The following SORCS2 variants were observed in gnomAD, a reference collection of about 807,000 sequenced individuals.
The protein encoded by SORCS2 is sortilin related VPS10 domain containing receptor 2.
In SORCS2, 100 loss-of-function variants were observed where a neutral mutation model predicts 141.6. The observed-to-expected ratio is 0.71, with a 90% CI of 0.60 to 0.83. The LOEUF (loss-of-function observed/expected upper bound fraction) is 0.83. SORCS2 is among the 40% of genes least tolerant of loss of function. SORCS2 has a pLI of 0.00. For synonymous variants in SORCS2, 789 were observed against 676.9 expected (o/e 1.17, Z -2.57); for missense variants, 1,646 against 1,560.2 (o/e 1.05, Z -0.93).
At chr4:7,616,505 T>A (rs1334641432) in intron 3 of SORCS2, among the ~76,000 whole-genome samples, 2 of 151,984 alleles carry the variant, frequency 1.3e-5, no homozygotes, top group African/African-American at 4.8e-5. Flanking sequence ...CCAAGTGGGG[T>A]GGTCATGTGT....
rs1426957657 is a variant in SORCS2, at chr4:7,286,036, C to T, written c.480+92910C>T. On this transcript the variant is annotated intron_variant, in intron 1 of 26. Coordinates refer to ENST00000507866, the MANE Select transcript of SORCS2 (RefSeq NM_020777.3). The surrounding 1 kb of genome is among the most constrained non-coding windows in gnomAD (Gnocchi z 4.1). ...GTGCCCTGCCGAGAGCCAGCTGCCC[C>T]GCCGGGGGCTCCCTGCCTGCCTCCC... Among the ~76,000 whole-genome samples the T allele has an allele frequency of 6.6e-6, 1 of 152,190 alleles. No individual in the cohort carries two copies. The highest frequency in any genetic ancestry group is 1.5e-5 in the Non-Finnish European group (1 of 68,034).
intron 7 of SORCS2, among the ~76,000 whole-genome samples, chr4:7,666,740 C>G (rs956582817): frequency 6.6e-6 from 1 of 152,156 alleles, no homozygotes; most frequent in Non-Finnish European, 1.5e-5. Context: ...GAAAAGCACT[C>G]GAGATGGTGC....
intron 1 of SORCS2, among the ~76,000 whole-genome samples, chr4:7,228,617 A>G (rs1371436984): frequency 6.6e-6 from 1 of 152,104 alleles, no homozygotes; most frequent in Admixed American, 6.5e-5. Flanking sequence ...TGAGGAGTGG[A>G]GAAGGGGCCA....
intron 2 of SORCS2, among the ~76,000 whole-genome samples, chr4:7,457,957 A>G (rs1298070954): frequency 1.3e-5 from 2 of 152,120 alleles, no homozygotes; most frequent in Non-Finnish European, 2.9e-5. Context: ...AGGGACGTCC[A>G]CACTGTTAGC....
intron 14 of SORCS2, among the ~76,000 whole-genome samples, chr4:7,710,015 T>G (rs1725720587): frequency 6.6e-6 from 1 of 152,132 alleles, no homozygotes; most frequent in Non-Finnish European, 1.5e-5. Flanking sequence ...AGATGGCAGC[T>G]CTTTCTCATG....
intron 2 of SORCS2, among the ~76,000 whole-genome samples, chr4:7,396,683 C>A (rs1174995802): frequency 6.6e-6 from 1 of 152,224 alleles, no homozygotes; most frequent in African/African-American, 2.4e-5. Flanking sequence ...TGCACAATTT[C>A]CCTTCACTTG....
chr4:7,643,866 C>T (rs984653676), intron 4 of SORCS2, among the ~76,000 whole-genome samples: 5 of 152,104 alleles, frequency 3.3e-5, no homozygotes, highest in Non-Finnish European at 4.4e-5. Context: ...CTACAAGCTT[C>T]GATACCACGT....
At chr4:7,632,429 A>G (rs1371944324) in intron 3 of SORCS2, among the ~76,000 whole-genome samples, 2 of 152,152 alleles carry the variant, frequency 1.3e-5, no homozygotes, top group Admixed American at 6.5e-5. Flanking sequence ...GCCTGGCACG[A>G]TGCTAATTGA....
chr4:7,629,387 G>A lies in SORCS2; in HGVS notation c.649-8941G>A, dbSNP rs184372233. 4.9e-3 allele frequency among the ~76,000 whole-genome samples: 745 copies of A among 152,240 alleles called. 7 individuals carry two copies. Among genetic ancestry groups the A allele is most frequent in the African/African-American group, 0.015 (633 of 41,550 alleles). On this transcript the variant is annotated intron_variant, in intron 3 of 26. Coordinates refer to ENST00000507866, the MANE Select transcript of SORCS2 (RefSeq NM_020777.3). ...GCCAGAGCCAGGTGAGAGGGACCTC[G>A]GATGTGGAACAAACATGGGTGTGAA...
At chr4:7,316,230 CCAT>C (rs1251311518) in intron 1 of SORCS2, among the ~76,000 whole-genome samples, 189 of 152,096 alleles carry the variant, frequency 1.2e-3, no homozygotes, top group African/African-American at 4.5e-3. Context: ...ATCCATCCAT[CCAT>C]CCATCCATCC....
intron 26 of SORCS2, among the ~76,000 whole-genome samples, chr4:7,737,551 A>G (rs1025446370): frequency 4.6e-5 from 7 of 152,076 alleles, no homozygotes; most frequent in African/African-American, 1.4e-4. Flanking sequence ...CGCTCCCTCA[A>G]CACTCCCAGT....
At chr4:7,621,363 TTA>T (rs1315588588) in intron 3 of SORCS2, among the ~76,000 whole-genome samples, 1 of 152,038 alleles carries the variant, frequency 6.6e-6, no homozygotes, top group African/African-American at 2.4e-5. Context: ...TGTGTGAGTG[TTA>T]TGTTTGTGTG....
At chr4:7,232,682 G>A (rs1262946284) in intron 1 of SORCS2, among the ~76,000 whole-genome samples, 1 of 152,202 alleles carries the variant, frequency 6.6e-6, no homozygotes, top group Non-Finnish European at 1.5e-5. Context: ...TTCTGTGAGG[G>A]ATGCCACACT....
chr4:7,575,671 T>G (rs983410414), intron 3 of SORCS2, among the ~76,000 whole-genome samples: 3 of 152,256 alleles, frequency 2.0e-5, no homozygotes, highest in Non-Finnish European at 4.4e-5. Context: ...GAAGGCTTGA[T>G]GACCACACGT....
At chr4:7,474,538 C>T (rs11736976) in intron 2 of SORCS2, among the ~76,000 whole-genome samples, 21,880 of 152,124 alleles carry the variant, frequency 0.14, 2,178 homozygotes, top group African/African-American at 0.26. Flanking sequence ...GCAGGGGGCT[C>T]GGAGCAAGTG....
At chr4:7,489,559 G>A (rs1357015015) in intron 2 of SORCS2, among the ~76,000 whole-genome samples, 2 of 151,870 alleles carry the variant, frequency 1.3e-5, no homozygotes, top group Admixed American at 1.3e-4. Context: ...GATGTTATCT[G>A]GTATCTGGAT....
chr4:7,610,816 G>A (rs1718359031), intron 3 of SORCS2, among the ~76,000 whole-genome samples: 1 of 152,194 alleles, frequency 6.6e-6, no homozygotes, highest in South Asian at 2.1e-4. Flanking sequence ...GAGCCAAGGT[G>A]GGTGGAAGAG....
At chr4:7,740,151 C>G (rs1209746867) in intron 26 of SORCS2, 49 bp from the exon 27 acceptor site, 2 of 1,534,824 alleles carry the variant, frequency 1.3e-6, no homozygotes, top group South Asian at 1.2e-5. Context: ...GGCCCTGTCT[C>G]CAGTCCCGGG....
chr4:7,713,870 C>T (rs1191384573), intron 15 of SORCS2, among the ~76,000 whole-genome samples: 1 of 152,200 alleles, frequency 6.6e-6, no homozygotes, highest in African/African-American at 2.4e-5. Context: ...CTGTCTTGTC[C>T]TGATTGTCCC....
Sources: allele counts gnomAD v4.1 joint callset (sites outside exome capture counted in the v4.1 genomes callset), GRCh38; gene constraint gnomAD v4.1.1; non-coding constraint Gnocchi (gnomAD v3.1); transcripts MANE v1.5; gene names NCBI Gene and HGNC (gene_info 2026-07-23, HGNC 2026-07-21).